Variants in PPFIA2 observed in about 807,000 individuals in gnomAD.
The protein encoded by PPFIA2 is PPFI scaffold protein A2.
Under a neutral mutation model 175.5 loss-of-function variants are expected in PPFIA2, and 46 were observed. The ratio of observed to expected loss-of-function variants is 0.26; its 90% confidence interval spans 0.21 to 0.34. The LOEUF is 0.34. PPFIA2 is among the 10% of genes least tolerant of loss of function. The pLI is 1.00. For synonymous variants in PPFIA2, 568 were observed against 511.4 expected (o/e 1.11, Z -1.49); for missense variants, 1,179 against 1,506.1 (o/e 0.78, Z 3.60).
intron 4 of PPFIA2, among the ~76,000 whole-genome samples, chr12:81,610,242 A>G (rs1595582366): frequency 6.6e-6 from 1 of 152,158 alleles, no homozygotes; most frequent in African/African-American, 2.4e-5. Context: ...CGATCAACTT[A>G]TCTAGCTGGG....
intron 4 of PPFIA2, among the ~76,000 whole-genome samples, chr12:81,617,432 G>A (rs931058031): frequency 6.6e-6 from 1 of 152,118 alleles, no homozygotes; most frequent in Non-Finnish European, 1.5e-5. Flanking sequence ...TTATTCACAT[G>A]TTATTGTGCC....
intron 4 of PPFIA2, among the ~76,000 whole-genome samples, chr12:81,544,127 A>G (rs754507090): frequency 6.6e-6 from 1 of 152,148 alleles, no homozygotes; most frequent in Non-Finnish European, 1.5e-5. Flanking sequence ...TACCATACCA[A>G]TGTAAGATGT....
At chr12:81,646,644 G>T (rs1005397660) in intron 4 of PPFIA2, among the ~76,000 whole-genome samples, 1 of 152,100 alleles carries the variant, frequency 6.6e-6, no homozygotes, top group Admixed American at 6.6e-5. Context: ...TATAACATAG[G>T]CGCAGTCCAT....
chr12:81,699,416 T>C (rs947301964), intron 3 of PPFIA2, among the ~76,000 whole-genome samples: 1 of 151,760 alleles, frequency 6.6e-6, no homozygotes, highest in African/African-American at 2.4e-5. Flanking sequence ...AGTATAAAGG[T>C]TTTTTCACCA....
chr12:81,633,746 A>C (rs2063667300), intron 4 of PPFIA2, among the ~76,000 whole-genome samples: 1 of 152,100 alleles, frequency 6.6e-6, no homozygotes, highest in Non-Finnish European at 1.5e-5. Flanking sequence ...TAAATGGAGA[A>C]TATTAGACAA....
At chr12:81,359,262 G>A (rs1173597750) in intron 15 of PPFIA2, among the ~76,000 whole-genome samples, 1 of 151,906 alleles carries the variant, frequency 6.6e-6, no homozygotes, top group East Asian at 1.9e-4. Context: ...AAAAAGGGGA[G>A]GTGAGGTTTG....
chr12:81,471,741 G>A (rs573999312), intron 4 of PPFIA2, among the ~76,000 whole-genome samples: 21 of 152,002 alleles, frequency 1.4e-4, no homozygotes, highest in Non-Finnish European at 2.5e-4. Flanking sequence ...CATAGTGGCT[G>A]TACCCTATTA....
chr12:81,600,832 A>G (rs2059715367), intron 4 of PPFIA2, among the ~76,000 whole-genome samples: 1 of 151,974 alleles, frequency 6.6e-6, no homozygotes, highest in South Asian at 2.1e-4. Context: ...AAGAAAAAAG[A>G]ATGTTTGTCA....
intron 3 of PPFIA2, among the ~76,000 whole-genome samples, chr12:81,698,173 T>C (rs991797369): frequency 2.1e-4 from 32 of 152,246 alleles, no homozygotes; most frequent in African/African-American, 7.0e-4. Flanking sequence ...AGAAGATTTA[T>C]TCATGTAGAA....
chr12:81,431,863 C>T (rs1192744006), intron 7 of PPFIA2, among the ~76,000 whole-genome samples: 1 of 152,164 alleles, frequency 6.6e-6, no homozygotes, highest in African/African-American at 2.4e-5. Flanking sequence ...CCACCCCTCA[C>T]TCAGATCTGC....
At chr12:81,269,801 T>C (rs1290188218) in intron 28 of PPFIA2, among the ~76,000 whole-genome samples, 1 of 152,216 alleles carries the variant, frequency 6.6e-6, no homozygotes, top group African/African-American at 2.4e-5. Flanking sequence ...GGCGTGTTCA[T>C]GATCATTGCT....
chr12:81,406,205 C>T (rs1476535647), intron 7 of PPFIA2, among the ~76,000 whole-genome samples: 2 of 151,932 alleles, frequency 1.3e-5, no homozygotes, highest in Admixed American at 6.6e-5. Context: ...TTTGTATTCA[C>T]GTGATGTTAA....
At chr12:81,636,951 A>T (rs377266645) in intron 4 of PPFIA2, among the ~76,000 whole-genome samples, 1 of 151,998 alleles carries the variant, frequency 6.6e-6, no homozygotes, top group Non-Finnish European at 1.5e-5. Flanking sequence ...AGACACTTCA[A>T]AATTGTCAAA....
At chr12:81,454,234 G>T (rs897860587) in intron 5 of PPFIA2, among the ~76,000 whole-genome samples, 1 of 151,944 alleles carries the variant, frequency 6.6e-6, no homozygotes, top group African/African-American at 2.4e-5. Context: ...ATTAAAAAAA[G>T]AAAAAAATAA....
At chr12:81,296,734 C>T (rs1438174786) in intron 23 of PPFIA2, 5 of 151,610 alleles carry the variant, frequency 3.3e-5, no homozygotes, top group African/African-American at 1.2e-4. Flanking sequence ...GACCACAAAT[C>T]AGAAGACCTG....
intron 4 of PPFIA2, among the ~76,000 whole-genome samples, chr12:81,528,715 A>T (rs2064062260): frequency 6.6e-6 from 1 of 152,132 alleles, no homozygotes; most frequent in Non-Finnish European, 1.5e-5. Flanking sequence ...CCATAGCAAC[A>T]TCAGAATAAT....
At chr12:81,573,394 TAGAG>T (rs1360948793) in intron 4 of PPFIA2, among the ~76,000 whole-genome samples, 1 of 151,934 alleles carries the variant, frequency 6.6e-6, no homozygotes, top group Non-Finnish European at 1.5e-5. Flanking sequence ...GGTTTATACT[TAGAG>T]CTTAGATCGC....
At chr12:81,265,067 C>A (rs1037176484) in intron 30 of PPFIA2, among the ~76,000 whole-genome samples, 2 of 150,706 alleles carry the variant, frequency 1.3e-5, no homozygotes, top group Non-Finnish European at 3.0e-5. Context: ...CTGAGGTGGG[C>A]GGATCACCTG....
chr12:81,318,797 A>T (rs746202638), intron 22 of PPFIA2, among the ~76,000 whole-genome samples: 5 of 151,722 alleles, frequency 3.3e-5, no homozygotes, highest in Non-Finnish European at 7.4e-5. Flanking sequence ...AGATTTAAAA[A>T]GTGATCATGA....
Sources: allele counts gnomAD v4.1 joint callset (sites outside exome capture counted in the v4.1 genomes callset), GRCh38; gene constraint gnomAD v4.1.1; transcripts MANE v1.5; gene names NCBI Gene and HGNC (gene_info 2026-07-23, HGNC 2026-07-21).